Variants in CCSER1 observed in about 807,000 individuals in gnomAD.
CCSER1 encodes serine-rich coiled-coil domain-containing protein 1.
In CCSER1, 41 loss-of-function variants were observed where a neutral mutation model predicts 82.0. The observed-to-expected ratio is 0.50, with a 90% CI of 0.39 to 0.65. The LOEUF is 0.65. CCSER1 is among the 30% of genes least tolerant of loss of function. The probability of loss-of-function intolerance (pLI) is 0.00; values close to 1 mark genes in which losing one functional copy is unlikely to be tolerated. For synonymous variants in CCSER1, 414 were observed against 383.9 expected (o/e 1.08, Z -0.92); for missense variants, 1,119 against 1,064.2 (o/e 1.05, Z -0.72).
chr4:91,259,512 T>C (rs1581858207), intron 10 of CCSER1, among the ~76,000 whole-genome samples: 1 of 152,100 alleles, frequency 6.6e-6, no homozygotes, highest in Admixed American at 6.6e-5. Context: ...TACATAGATA[T>C]ACACGTGCCA....
chr4:91,557,376 T>C lies in CCSER1; in HGVS notation c.2218-41196T>C, dbSNP rs542091292. Among the ~76,000 whole-genome samples the C allele has an allele frequency of 4.2e-4, 64 of 151,576 alleles. 1 individual carries two copies. The highest frequency in any genetic ancestry group is 1.9e-3 in the South Asian group (9 of 4,824). On this transcript the variant is annotated intron_variant, in intron 10 of 10. Coordinates refer to ENST00000509176, the MANE Select transcript of CCSER1 (RefSeq NM_001145065.2). ...TTGGCAACATCATATTTACTCTTATTTTTTAAATTCATTTTTAAAATTCAT... is the reference window on the plus strand; with the variant it reads ...TTGGCAACATCATATTTACTCTTATCTTTTAAATTCATTTTTAAAATTCAT...
intron 10 of CCSER1, among the ~76,000 whole-genome samples, chr4:91,272,712 A>T (rs1742130039): frequency 6.6e-6 from 1 of 152,132 alleles, no homozygotes; most frequent in Non-Finnish European, 1.5e-5. Flanking sequence ...ATCTTCTAGA[A>T]TTTTTATAGT....
At chr4:90,389,121 C>A (rs1001855049) in intron 3 of CCSER1, among the ~76,000 whole-genome samples, 1 of 152,152 alleles carries the variant, frequency 6.6e-6, no homozygotes, top group African/African-American at 2.4e-5. Flanking sequence ...TTGTGATTAA[C>A]ATTATGGCCA....
intron 5 of CCSER1, among the ~76,000 whole-genome samples, chr4:90,496,866 A>G (rs1162737676): frequency 6.6e-6 from 1 of 151,136 alleles, no homozygotes; most frequent in African/African-American, 2.4e-5. Flanking sequence ...TGTTTCAGCT[A>G]CTCAGGAGTG....
intron 10 of CCSER1, among the ~76,000 whole-genome samples, chr4:91,190,636 T>G (rs1734919808): frequency 6.6e-6 from 1 of 152,210 alleles, no homozygotes; most frequent in Non-Finnish European, 1.5e-5. Flanking sequence ...ATGACCTCTC[T>G]GAGACTGTAT....
At chr4:91,315,174 TGTGTGTAA>T (rs1413549432) in intron 10 of CCSER1, among the ~76,000 whole-genome samples, 3 of 147,986 alleles carry the variant, frequency 2.0e-5, no homozygotes, top group Non-Finnish European at 3.0e-5. Context: ...TGTGTGTGTG[TGTGTGTAA>T]GTGTGTAATT....
At chr4:90,543,302 AT>A (rs1320107065) in intron 5 of CCSER1, among the ~76,000 whole-genome samples, 1 of 152,128 alleles carries the variant, frequency 6.6e-6, no homozygotes, top group Non-Finnish European at 1.5e-5. Context: ...CTAAATTTTC[AT>A]TTTTCACTGC....
chr4:90,496,087 G>A (rs546060797), intron 5 of CCSER1, among the ~76,000 whole-genome samples: 5 of 152,204 alleles, frequency 3.3e-5, no homozygotes, highest in Admixed American at 6.5e-5. Flanking sequence ...AACTTTACCC[G>A]TACTGGGGAA....
chr4:90,370,642 C>G (rs572949811), intron 3 of CCSER1, among the ~76,000 whole-genome samples: 2 of 152,030 alleles, frequency 1.3e-5, no homozygotes, highest in South Asian at 4.2e-4. Context: ...GTTTCCTTTT[C>G]CAGCCTATTA....
chr4:90,483,662 G>T (rs912466720), intron 5 of CCSER1, among the ~76,000 whole-genome samples: 14 of 152,314 alleles, frequency 9.2e-5, no homozygotes, highest in Non-Finnish European at 1.5e-4. Context: ...GAAATTCTGA[G>T]TTGAAAATTC....
chr4:90,867,510 G>T (rs4693247), intron 8 of CCSER1, among the ~76,000 whole-genome samples: 104,808 of 151,848 alleles, frequency 0.69, 36,354 homozygotes, highest in African/African-American at 0.73. Context: ...ATCCATCACT[G>T]CAAGTATTTA....
At chr4:91,400,482 A>C (rs1265072858) in intron 10 of CCSER1, among the ~76,000 whole-genome samples, 1 of 150,178 alleles carries the variant, frequency 6.7e-6, no homozygotes, top group African/African-American at 2.5e-5. Flanking sequence ...CTTTGCTATT[A>C]CTTGTAGAAT....
intron 7 of CCSER1, among the ~76,000 whole-genome samples, chr4:90,808,362 A>G (rs1050175100): frequency 9.2e-5 from 14 of 152,166 alleles, no homozygotes; most frequent in Admixed American, 9.2e-4. Flanking sequence ...CCCCAAAAAC[A>G]AATGTAACAA....
At chr4:91,153,803 C>G (rs965756746) in intron 10 of CCSER1, among the ~76,000 whole-genome samples, 1 of 151,940 alleles carries the variant, frequency 6.6e-6, no homozygotes, top group Non-Finnish European at 1.5e-5. Context: ...TGGGTATCAC[C>G]AGCGGAGGCT....
intron 9 of CCSER1, among the ~76,000 whole-genome samples, chr4:91,024,077 C>G (rs1450331987): frequency 2.0e-5 from 3 of 152,138 alleles, no homozygotes; most frequent in South Asian, 2.1e-4. Flanking sequence ...GCTCAGGTCT[C>G]TCTTCCTCTT....
chr4:91,583,259 G>A (rs527415236), intron 10 of CCSER1, among the ~76,000 whole-genome samples: 1 of 151,208 alleles, frequency 6.6e-6, no homozygotes, highest in Non-Finnish European at 1.5e-5. Context: ...TTTTTATATA[G>A]CAACTTTAAA....
chr4:90,673,446 T>C (rs1733191218), intron 6 of CCSER1, among the ~76,000 whole-genome samples: 1 of 151,966 alleles, frequency 6.6e-6, no homozygotes, highest in Admixed American at 6.6e-5. Flanking sequence ...GCACATCCCA[T>C]TTGTTGGGCG....
At chr4:90,832,200 A>C (rs2149826636) in intron 8 of CCSER1, among the ~76,000 whole-genome samples, 1 of 152,242 alleles carries the variant, frequency 6.6e-6, no homozygotes, top group South Asian at 2.1e-4. Context: ...AAATAAAATA[A>C]AAATTTAATA....
chr4:91,528,542 T>G (rs2110161589), intron 10 of CCSER1, among the ~76,000 whole-genome samples: 1 of 152,208 alleles, frequency 6.6e-6, no homozygotes, highest in African/African-American at 2.4e-5. Flanking sequence ...ACATGTTAGG[T>G]TAAGGTGGTT....
Sources: gnomAD v4.1 joint callset for allele counts (sites outside exome capture counted in the v4.1 genomes callset) on GRCh38, gnomAD v4.1.1 for gene constraint, MANE v1.5 for transcripts, NCBI Gene and HGNC (gene_info 2026-07-23, HGNC 2026-07-21) for gene names.